BLTP2: variants seen among roughly 807,000 people sequenced by gnomAD.
BLTP2 encodes the protein U937-associated antigen.
the BLTP2 span, chr17:28,616,700 C>T: frequency 6.2e-7 from 1 of 1,614,240 alleles, no homozygotes; most frequent in Non-Finnish European, 8.5e-7. This position sits in a 1 kb window ranked among gnomAD's most constrained non-coding sequence, Gnocchi z 4.8. Flanking sequence ...AAAAGCCCAT[C>T]ATTCTGTGGA....
chr17:28,629,005 C>A, the BLTP2 span, among the ~76,000 whole-genome samples: 2 of 151,560 alleles, frequency 1.3e-5, no homozygotes, highest in South Asian at 4.2e-4. Flanking sequence ...GTGGTCTTGG[C>A]TTTTATATTA....
chr17:28,616,462 C>T, the BLTP2 span: 243 of 1,614,188 alleles, frequency 1.5e-4, 1 homozygote, highest in South Asian at 2.2e-3. This position sits in a 1 kb window ranked among gnomAD's most constrained non-coding sequence, Gnocchi z 4.8. Flanking sequence ...CCCAGTGGTA[C>T]TGCATCATCT....
chr17:28,624,999 G>T, the BLTP2 span, among the ~76,000 whole-genome samples: 1 of 152,182 alleles, frequency 6.6e-6, no homozygotes, highest in African/African-American at 2.4e-5. Context: ...TTGCATCATA[G>T]TTTACTTGTT....
At chr17:28,633,590 T>C in the BLTP2 span, 22 of 1,613,990 alleles carry the variant, frequency 1.4e-5, no homozygotes, top group East Asian at 3.3e-4. Context: ...TCAATGTCCA[T>C]GTGCCAGTCT....
the BLTP2 span, chr17:28,621,137 T>C: frequency 1.2e-6 from 2 of 1,614,102 alleles, no homozygotes; most frequent in Non-Finnish European, 1.7e-6. Flanking sequence ...CTGGACTTGC[T>C]GGGCTTGCTG....
the BLTP2 span, chr17:28,621,385 G>T: frequency 5.0e-6 from 8 of 1,605,316 alleles, no homozygotes; most frequent in Non-Finnish European, 6.0e-6. Context: ...ATGCAGAGGA[G>T]GGGGAGGGCT....
At chr17:28,629,883 G>C in the BLTP2 span, among the ~76,000 whole-genome samples, 1 of 152,130 alleles carries the variant, frequency 6.6e-6, no homozygotes, top group South Asian at 2.1e-4. Flanking sequence ...CCAAAGTGTA[G>C]GGATTACAGG....
chr17:28,632,885 C>T, the BLTP2 span: 2 of 1,314,948 alleles, frequency 1.5e-6, no homozygotes, highest in Non-Finnish European at 2.0e-6. Flanking sequence ...AAGTCCCCAG[C>T]ATCCATGCCC....
the BLTP2 span, chr17:28,632,974 G>T: frequency 6.4e-7 from 1 of 1,550,976 alleles, no homozygotes; most frequent in Admixed American, 2.0e-5. Context: ...CATCTTGATG[G>T]AGAGATTGAG....
the BLTP2 span, chr17:28,620,582 G>T: frequency 6.2e-7 from 1 of 1,614,074 alleles, no homozygotes; most frequent in Non-Finnish European, 8.5e-7. Context: ...AGCTGGGTTG[G>T]TGGAAATTTC....
At chr17:28,614,804 A>G in the BLTP2 span, 124 of 304,158 alleles carry the variant, frequency 4.1e-4, no homozygotes, top group Admixed American at 1.3e-3. Flanking sequence ...CCCCAAGGGA[A>G]TAGGGTCCTG....
the BLTP2 span, among the ~76,000 whole-genome samples, chr17:28,625,819 G>A: frequency 9.9e-5 from 15 of 152,078 alleles, no homozygotes; most frequent in Admixed American, 2.6e-4. Context: ...AGGCTGGAGT[G>A]CAATGGCGCA....
chr17:28,618,848 C>T, the BLTP2 span: 1 of 1,613,924 alleles, frequency 6.2e-7, no homozygotes, highest in Non-Finnish European at 8.5e-7. Flanking sequence ...GTCCATCTTC[C>T]TCTGTCAGGC....
the BLTP2 span, chr17:28,640,663 C>G: frequency 6.2e-7 from 1 of 1,614,034 alleles, no homozygotes; most frequent in South Asian, 1.1e-5. Flanking sequence ...AGAGTTGGCT[C>G]AACTAAGTTT....
chr17:28,633,779 T>C, the BLTP2 span: 1 of 1,608,064 alleles, frequency 6.2e-7, no homozygotes, highest in Non-Finnish European at 8.5e-7. Context: ...AGGCTATAAC[T>C]TGTTCACAAC....
At chr17:28,636,184 T>C in the BLTP2 span, among the ~76,000 whole-genome samples, 1 of 152,204 alleles carries the variant, frequency 6.6e-6, no homozygotes, top group South Asian at 2.1e-4. Flanking sequence ...CAGAGAAAAG[T>C]AAAATTCCAG....
the BLTP2 span, among the ~76,000 whole-genome samples, chr17:28,630,628 G>A: frequency 2.0e-5 from 3 of 151,912 alleles, no homozygotes; most frequent in East Asian, 3.9e-4. Flanking sequence ...CTACGGTCAT[G>A]TACCACCATT....
chr17:28,617,052 A>G, the BLTP2 span: 199 of 1,385,818 alleles, frequency 1.4e-4, no homozygotes, highest in Non-Finnish European at 1.9e-4. Flanking sequence ...CCTGCCATAA[A>G]GCAACCCACA....
chr17:28,643,630 T>C, the BLTP2 span: 9 of 1,613,788 alleles, frequency 5.6e-6, no homozygotes, highest in Admixed American at 1.2e-4. Flanking sequence ...GGCTAAGGAG[T>C]TTGCTGGAAA....
Sources: allele counts gnomAD v4.1 joint callset (sites outside exome capture counted in the v4.1 genomes callset), GRCh38; gene constraint gnomAD v4.1.1; non-coding constraint Gnocchi (gnomAD v3.1); transcripts MANE v1.5; gene names NCBI Gene and HGNC (gene_info 2026-07-23, HGNC 2026-07-21).